FDX1: variants seen among roughly 807,000 people sequenced by gnomAD.
FDX1 encodes ferredoxin 1, also known as adrenodoxin, mitochondrial.
In FDX1, 9 loss-of-function variants were observed where a neutral mutation model predicts 14.9. The observed-to-expected ratio is 0.60, with a 90% CI of 0.36 to 1.05. The LOEUF is 1.05. FDX1 is among the 50% of genes least tolerant of loss of function. FDX1 has a pLI of 0.01. For missense variants in FDX1, 204 were observed against 237.2 expected (o/e 0.86, Z 0.92); for synonymous variants, 92 against 99.4 (o/e 0.93, Z 0.44).
At chr11:110,441,767 C>T (rs2134679762) in intron 2 of FDX1, among the ~76,000 whole-genome samples, 1 of 152,266 alleles carries the variant, frequency 6.6e-6, no homozygotes, top group African/African-American at 2.4e-5. Flanking sequence ...AAGCTGGCTG[C>T]AGAAATTTGG....
Position 110,430,084 on chromosome 11 carries a change from G to T in FDX1, c.-37G>T. The T allele has an allele frequency of 4.1e-6, 5 of 1,210,806 alleles. No individual in the cohort carries two copies. The highest frequency in any genetic ancestry group is 4.4e-5 in the Admixed American group (1 of 22,832). 75.0% of individuals were successfully genotyped at this position (1,210,806 alleles called of 1,614,324 possible). Reference sequence around the variant, plus strand: ...GGAGTCTCTCGCGGCCTCAAAGCGCGGCCTGCGTCGCTTCCGGCAGTTCCC... The same window carrying T: ...GGAGTCTCTCGCGGCCTCAAAGCGCTGCCTGCGTCGCTTCCGGCAGTTCCC... On this transcript the variant is annotated 5_prime_UTR_variant, in exon 1 of 4. Coordinates refer to ENST00000260270, the MANE Select transcript of FDX1 (RefSeq NM_004109.5).
At chr11:110,455,523 T>TA (rs1350898429) in intron 2 of FDX1, among the ~76,000 whole-genome samples, 10 of 152,160 alleles carry the variant, frequency 6.6e-5, no homozygotes, top group Non-Finnish European at 1.5e-4. Flanking sequence ...ACAGTGGCTT[T>TA]AAAAAAACTG....
chr11:110,453,773 A>G lies in FDX1; in HGVS notation c.311-3145A>G, dbSNP rs138334021. Among the ~76,000 whole-genome samples the G allele has an allele frequency of 3.4e-3, 514 of 152,308 alleles. 3 individuals are homozygous for G. Among genetic ancestry groups the G allele is most frequent in the African/African-American group, 0.012 (483 of 41,560 alleles). Reference sequence around the variant, plus strand: ...TGAGCCCTGACCATGGCAAGGACAGAATAGTTCATAAGTGCTATCCATAGG... The same window carrying G: ...TGAGCCCTGACCATGGCAAGGACAGGATAGTTCATAAGTGCTATCCATAGG... On this transcript the variant is annotated intron_variant, in intron 2 of 3. Coordinates refer to ENST00000260270, the MANE Select transcript of FDX1 (RefSeq NM_004109.5).
At position 110,444,650 on chromosome 11, in the gene FDX1, GTA is replaced by G. The variant is rs1225899200; in HGVS notation, c.310+8705_310+8706del. On this transcript the variant is annotated intron_variant, in intron 2 of 3. Transcript: ENST00000260270. ...AAAATATATGTGTGTGTGTGTGTGT[GTA>G]TATATATATATACGTATATATATAT... Among the ~76,000 whole-genome samples, 32 of 53,822 alleles carry G rather than the reference GTA, an allele frequency of 5.9e-4. 2 individuals are homozygous for G. In the Middle Eastern group the frequency reaches 0.028, roughly 48 times the overall value. The allele number at this position is 53,822 out of a possible 152,430, so 35.3% of individuals were successfully genotyped here.
intron 1 of FDX1, among the ~76,000 whole-genome samples, chr11:110,431,274 A>G (rs79506745): frequency 0.013 from 1,906 of 152,374 alleles, 40 homozygotes; most frequent in African/African-American, 0.04. Flanking sequence ...TACTAGAGAT[A>G]CAATTTACAC....
chr11:110,441,432 A>G (rs950776544), intron 2 of FDX1, among the ~76,000 whole-genome samples: 5 of 152,208 alleles, frequency 3.3e-5, no homozygotes, highest in Non-Finnish European at 5.9e-5. Context: ...TGATAACGAT[A>G]TGGACAATGA....
At chr11:110,449,265 T>A (rs1946471222) in intron 2 of FDX1, among the ~76,000 whole-genome samples, 1 of 152,218 alleles carries the variant, frequency 6.6e-6, no homozygotes, top group Non-Finnish European at 1.5e-5. Context: ...TACTTTTAAG[T>A]TCATGAAAAT....
rs1188833097 is a variant in FDX1, at chr11:110,444,670, ATATATATATATATACACG to A, written c.310+8727_310+8744del. ...TGTGTGTATATATATATATACGTAT[ATATATATATATATACACG>A]TATATATATATATATACGTATATAT... On this transcript the variant is annotated intron_variant, in intron 2 of 3. Coordinates refer to ENST00000260270, the MANE Select transcript of FDX1 (RefSeq NM_004109.5). Among the ~76,000 whole-genome samples the A allele has an allele frequency of 4.5e-4, 32 of 71,376 alleles. 1 individual carries two copies. Among genetic ancestry groups the A allele is most frequent in the African/African-American group, 7.2e-4 (11 of 15,340 alleles). 46.8% of individuals were successfully genotyped at this position (71,376 alleles called of 152,430 possible).
At position 110,453,266 on chromosome 11, in the gene FDX1, A is replaced by T. The variant is rs548668696; in HGVS notation, c.311-3652A>T. ...GGCAGGAGAATCACTTGAACCCGGG[A>T]GGCGGAGGTTGCCGTGAGCCGAGAT... On this transcript the variant is annotated intron_variant, in intron 2 of 3. Transcript: ENST00000260270. 5.3e-5 allele frequency among the ~76,000 whole-genome samples: 8 copies of T among 152,216 alleles called. No homozygotes were observed. In the East Asian group the frequency reaches 1.5e-3, roughly 29 times the overall value.
chr11:110,461,782 A>G (rs1946558366), intron 3 of FDX1, among the ~76,000 whole-genome samples: 1 of 152,192 alleles, frequency 6.6e-6, no homozygotes, highest in South Asian at 2.1e-4. Context: ...TGACATGACC[A>G]TTACCTGACA....
Position 110,440,085 on chromosome 11 carries a change from G to C in FDX1, c.310+4127G>C, listed in dbSNP as rs865956242. Among the ~76,000 whole-genome samples, 8 of 152,198 alleles carry C rather than the reference G, an allele frequency of 5.3e-5. No individual in the cohort carries two copies. In the South Asian group the frequency reaches 6.2e-4, roughly 12 times the overall value. On this transcript the variant is annotated intron_variant, in intron 2 of 3. Transcript: ENST00000260270. ...ATAGGGGTGCTGATAATAGTCTCTA[G>C]GATCTTTGTATCTTTATGGGATTGG...
chr11:110,434,725 G>GTTTTTT (rs56907322), intron 1 of FDX1, among the ~76,000 whole-genome samples: 29 of 105,740 alleles, frequency 2.7e-4, no homozygotes, highest in African/African-American at 4.8e-4. Context: ...GACTTTTTTT[G>GTTTTTT]TTTTTTTTTT....
At chr11:110,430,718 C>T (rs1946324952) in intron 1 of FDX1, among the ~76,000 whole-genome samples, 2 of 152,330 alleles carry the variant, frequency 1.3e-5, no homozygotes, top group East Asian at 3.9e-4. Context: ...GCTGTCCTGG[C>T]CTGACACACC....
At chr11:110,461,526 T>A (rs374501353) in intron 3 of FDX1, among the ~76,000 whole-genome samples, 158 of 124,088 alleles carry the variant, frequency 1.3e-3, no homozygotes, top group South Asian at 2.3e-3. Flanking sequence ...AGAAGGAAAA[T>A]AAACACAAAA....
At chr11:110,452,132 A>G (rs575568716) in intron 2 of FDX1, among the ~76,000 whole-genome samples, 12 of 152,354 alleles carry the variant, frequency 7.9e-5, no homozygotes, top group African/African-American at 2.9e-4. Flanking sequence ...CCTAAAAGAA[A>G]GAACAAGAAA....
intron 2 of FDX1, among the ~76,000 whole-genome samples, chr11:110,444,675 T>TATAC (rs1946429813): frequency 1.3e-5 from 1 of 78,484 alleles, no homozygotes; most frequent in African/African-American, 5.9e-5. Flanking sequence ...CGTATATATA[T>TATAC]ATATATATAC....
chr11:110,430,230 T>C lies in FDX1; in HGVS notation c.110T>C (p.Leu37Pro). 8.3e-7 allele frequency: 1 copy of C among 1,208,092 alleles called. No individual in the cohort carries two copies. Among genetic ancestry groups the C allele is most frequent in the Non-Finnish European group, 1.0e-6 (1 of 973,070 alleles). 74.8% of individuals were successfully genotyped at this position (1,208,092 alleles called of 1,614,324 possible). ...GGGTCCCGCGCTGGATCCAGCGGCC[T>C]GCTGAGGAACCGGGGGCCGGGCGGG... is the stretch of plus-strand genomic sequence containing the variant. Reference protein sequence around the residue: ...HAGSRAGSSGLLRNRGPGGSA... With the variant: ...HAGSRAGSSGPLRNRGPGGSA... Residue 37 changes from leucine (L) to proline (P), a missense_variant, in exon 1 of 4, where the codon CTG (leucine) becomes CCG (proline). By Grantham distance (98) the Leu-to-Pro change is moderately conservative. Coordinates refer to ENST00000260270, the MANE Select transcript of FDX1 (RefSeq NM_004109.5).
intron 3 of FDX1, 121 bp downstream of exon 3, chr11:110,457,168 C>T: frequency 1.2e-6 from 1 of 832,372 alleles, no homozygotes; most frequent in South Asian, 2.3e-5. Flanking sequence ...AAATAACAGT[C>T]ACAGATTTTG....
At chr11:110,443,073 C>T (rs1946415566) in intron 2 of FDX1, among the ~76,000 whole-genome samples, 1 of 152,170 alleles carries the variant, frequency 6.6e-6, no homozygotes, top group Non-Finnish European at 1.5e-5. Flanking sequence ...GCTTCCCCAG[C>T]CATTGTGGAA....
Sources: allele counts gnomAD v4.1 joint callset (sites outside exome capture counted in the v4.1 genomes callset), GRCh38; gene constraint gnomAD v4.1.1; transcripts MANE v1.5; gene names NCBI Gene and HGNC (gene_info 2026-07-23, HGNC 2026-07-21).